Variants in ARL10 observed in about 807,000 individuals in gnomAD.
ARL10 encodes ARF like GTPase 10.
Under a neutral mutation model 26.1 loss-of-function variants are expected in ARL10, and 23 were observed. The ratio of observed to expected loss-of-function variants is 0.88; its 90% CI spans 0.63 to 1.25. ARL10 has a LOEUF of 1.25. Among genes scored for constraint, ARL10 ranks in the 50% most tolerant of loss-of-function variants. ARL10 has a pLI of 0.00. For missense variants in ARL10, 300 were observed against 323.6 expected (o/e 0.93, Z 0.56); for synonymous variants, 138 against 149.1 (o/e 0.93, Z 0.54).
At chr5:176,392,703 C>T, downstream of ARL10, 1 of 1,562,098 alleles carries the variant, frequency 6.4e-7, no homozygotes, top group South Asian at 1.1e-5. The surrounding 1 kb of genome is among the most constrained non-coding windows in gnomAD (Gnocchi z 5.2). Context: ...AGTCTCCACC[C>T]CGACCAAAGC....
chr5:176,373,004 A>G lies in ARL10; in HGVS notation c.*1109A>G, dbSNP rs1768591769. ...TGGCTTTGAGGCTGTCGTCGATATCATAGTACTTTACATGGATTCACATGA... is the reference window on the plus strand; with the variant it reads ...TGGCTTTGAGGCTGTCGTCGATATCGTAGTACTTTACATGGATTCACATGA... On this transcript the variant is annotated 3_prime_UTR_variant, in exon 4 of 4. Coordinates refer to ENST00000310389, the MANE Select transcript of ARL10 (RefSeq NM_173664.6). The G allele has an allele frequency of 2.5e-6, 1 of 398,638 alleles. No homozygotes were observed. The highest frequency in any genetic ancestry group is 4.4e-6 in the Non-Finnish European group (1 of 226,064). The allele number at this position is 398,638 out of a possible 1,614,324, so 24.7% of individuals were successfully genotyped here.
rs1434625658 is a variant in ARL10 at position 176,380,363 on chromosome 5, TAAAC to T, written c.*8470_*8473del. 3.9e-5 allele frequency: 6 copies of T among 152,132 alleles called. No individual in the cohort carries two copies. Among genetic ancestry groups the T allele is most frequent in the South Asian group, 2.1e-4 (1 of 4,828 alleles). 9.4% of individuals were successfully genotyped at this position (152,132 alleles called of 1,614,324 possible). On this transcript the variant is annotated 3_prime_UTR_variant, in exon 4 of 4. Coordinates refer to ENST00000310389, the MANE Select transcript of ARL10 (RefSeq NM_173664.6). ...TTTCTTTTCTAATGTGTCCCATAAATAAACAGTTTTATTTAAAGTTTCCTCATCG... is the reference window on the plus strand; with the variant it reads ...TTTCTTTTCTAATGTGTCCCATAAATAGTTTTATTTAAAGTTTCCTCATCG...
At chr5:176,385,748 C>T (rs1334812736), downstream of ARL10, among the ~76,000 whole-genome samples, 1 of 152,174 alleles carries the variant, frequency 6.6e-6, no homozygotes, top group Non-Finnish European at 1.5e-5. Context: ...TGAAATGGGA[C>T]GGTCTAAATA....
rs968472848 is a variant in ARL10 at position 176,375,475 on chromosome 5, C to T, written c.*3580C>T. 2.6e-5 allele frequency: 4 copies of T among 152,146 alleles called. No individual in the cohort carries two copies. Among genetic ancestry groups the T allele is most frequent in the African/African-American group, 4.8e-5 (2 of 41,428 alleles). The allele number at this position is 152,146 out of a possible 1,614,324, so 9.4% of individuals were successfully genotyped here. On this transcript the variant is annotated 3_prime_UTR_variant, in exon 4 of 4. Transcript: ENST00000310389. Reference sequence around the variant, plus strand: ...CTCACTGCCGCCAAAAGTGAGTCCGCAGGAACTCCACTGGAATATTTGCTC... The same window carrying T: ...CTCACTGCCGCCAAAAGTGAGTCCGTAGGAACTCCACTGGAATATTTGCTC...
At chr5:176,392,644 G>T, downstream of ARL10, 1 of 1,078,916 alleles carries the variant, frequency 9.3e-7, no homozygotes, top group African/African-American at 1.6e-5. This position sits in a 1 kb window ranked among gnomAD's most constrained non-coding sequence, Gnocchi z 5.2. Context: ...CCCTCCCAGC[G>T]CCTGGAGATG....
Position 176,368,828 on chromosome 5 carries a change from G to GCTT in ARL10, c.410_412dup (p.Phe137dup). The GCTT allele has an allele frequency of 6.2e-7, 1 of 1,613,240 alleles. No homozygotes were observed. ...TCAGTTGGGGGCAGCCAGAACCTGC[G>GCTT]CTTCTACTGGAAGGAGTTTGTGAGC... is the stretch of plus-strand genomic sequence containing the variant. On this transcript the variant is annotated inframe_insertion, in exon 3 of 4. Coordinates refer to ENST00000310389, the MANE Select transcript of ARL10 (RefSeq NM_173664.6). This position sits in a 1 kb window ranked among gnomAD's most constrained non-coding sequence, Gnocchi z 4.1.
Position 176,373,200 on chromosome 5 carries a change from G to A in ARL10, c.*1305G>A, listed in dbSNP as rs1768600918. 2.5e-6 allele frequency: 1 copy of A among 396,336 alleles called. No individual in the cohort carries two copies. The highest frequency in any genetic ancestry group is 4.4e-5 in the Admixed American group (1 of 22,690). The allele number at this position is 396,336 out of a possible 1,614,324, so 24.6% of individuals were successfully genotyped here. A position where few individuals can be genotyped will look rare whatever the true frequency, so the allele number is the denominator to read the frequency against. On this transcript the variant is annotated 3_prime_UTR_variant, in exon 4 of 4. Transcript: ENST00000310389. ...GGAATAGCAGACCAGCCAACGGGAT[G>A]GCCTTGGGTACATCACTCAGCCTTT...
rs1158024950 is a variant in ARL10 at position 176,374,467 on chromosome 5, ACAACACAT to A, written c.*2575_*2582del. 1 of 152,252 alleles carries A rather than the reference ACAACACAT, an allele frequency of 6.6e-6. No individual in the cohort carries two copies. The highest frequency in any genetic ancestry group is 1.9e-4 in the East Asian group (1 of 5,206). The allele number at this position is 152,252 out of a possible 1,614,324, so 9.4% of individuals were successfully genotyped here. A position where few individuals can be genotyped will look rare whatever the true frequency, so the allele number is the denominator to read the frequency against. On this transcript the variant is annotated 3_prime_UTR_variant, in exon 4 of 4. Coordinates refer to ENST00000310389, the MANE Select transcript of ARL10 (RefSeq NM_173664.6). ...TGACTGCATTGGTGTACTTAAGACTACAACACATCAGTGGGGACCTTAGGATGGCTATC... is the reference window on the plus strand; with the variant it reads ...TGACTGCATTGGTGTACTTAAGACTACAGTGGGGACCTTAGGATGGCTATC...
intron 1 of ARL10, among the ~76,000 whole-genome samples, chr5:176,387,550 C>A (rs2113596231): frequency 1.3e-5 from 2 of 152,354 alleles, no homozygotes; most frequent in South Asian, 4.1e-4. Context: ...GAGGCTACAG[C>A]CACACAGTTA....
At chr5:176,385,051 A>G, downstream of ARL10, 1 of 626,582 alleles carries the variant, frequency 1.6e-6, no homozygotes, top group South Asian at 1.8e-5. Context: ...TATCCTTGCC[A>G]TAAGCATTCA....
At chr5:176,383,357 G>GGCCC (rs1755599046), downstream of ARL10, among the ~76,000 whole-genome samples, 4 of 152,286 alleles carry the variant, frequency 2.6e-5, no homozygotes, top group South Asian at 8.3e-4. Context: ...AAATGCCCAG[G>GGCCC]GCCCACTCCA....
At position 176,380,450 on chromosome 5, in the gene ARL10, G is replaced by C. The variant is rs1326710540; in HGVS notation, c.*8555G>C. ...GGTTAACCTGTTTTTCTAAAAACAA[G>C]TTCTGGGTCCATAATTTTGGTTTTT... On this transcript the variant is annotated 3_prime_UTR_variant, in exon 4 of 4. Transcript: ENST00000310389. The C allele has an allele frequency of 6.9e-6, 1 of 145,678 alleles. No homozygotes were observed. 9.0% of individuals were successfully genotyped at this position (145,678 alleles called of 1,614,324 possible). A position where few individuals can be genotyped will look rare whatever the true frequency, so the allele number is the denominator to read the frequency against.
At chr5:176,382,132 C>T (rs547768588), downstream of ARL10, among the ~76,000 whole-genome samples, 3 of 152,324 alleles carry the variant, frequency 2.0e-5, no homozygotes, top group African/African-American at 7.2e-5. Flanking sequence ...TTCTACCACA[C>T]GTAGACTGGG....
At chr5:176,413,546 A>G in the ARL10 span, among the ~76,000 whole-genome samples, 1 of 152,224 alleles carries the variant, frequency 6.6e-6, no homozygotes. Flanking sequence ...GGGGCAACTG[A>G]GCCCAGTGTC....
At chr5:176,403,119 G>A (rs1400988692), downstream of ARL10, among the ~76,000 whole-genome samples, 9 of 148,578 alleles carry the variant, frequency 6.1e-5, no homozygotes, top group East Asian at 1.4e-3. Flanking sequence ...TCAGGATCTC[G>A]GCTCACTGCA....
the ARL10 span, among the ~76,000 whole-genome samples, chr5:176,413,699 G>A: frequency 1.3e-5 from 2 of 152,196 alleles, no homozygotes; most frequent in African/African-American, 2.4e-5. Context: ...CAGGCTCCTG[G>A]CACACATCCC....
intron 1 of ARL10, among the ~76,000 whole-genome samples, chr5:176,400,812 C>T (rs1176467584): frequency 6.6e-6 from 1 of 152,228 alleles, no homozygotes; most frequent in Non-Finnish European, 1.5e-5. Flanking sequence ...GCCCACCTAT[C>T]CTTAGTGCCT....
At chr5:176,403,024 C>T (rs1392439853), downstream of ARL10, among the ~76,000 whole-genome samples, 3 of 151,564 alleles carry the variant, frequency 2.0e-5, no homozygotes, top group South Asian at 2.1e-4. Flanking sequence ...CTTCAGGGCC[C>T]GCCATCTCCA....
At chr5:176,409,249 C>T in the ARL10 span, among the ~76,000 whole-genome samples, 1 of 138,332 alleles carries the variant, frequency 7.2e-6, no homozygotes, top group African/African-American at 2.7e-5. Context: ...GCTAGGGTTA[C>T]AGGCATGAGC....
Sources: allele counts gnomAD v4.1 joint callset (sites outside exome capture counted in the v4.1 genomes callset), GRCh38; gene constraint gnomAD v4.1.1; non-coding constraint Gnocchi (gnomAD v3.1); transcripts MANE v1.5; gene names NCBI Gene and HGNC (gene_info 2026-07-23, HGNC 2026-07-21).